ERC2: variants seen among roughly 807,000 people sequenced by gnomAD.
ERC2 encodes the protein ERC protein 2.
A neutral mutation model predicts 114.8 loss-of-function variants in ERC2; 42 were observed. The ratio of observed to expected loss-of-function variants is 0.37; its 90% CI spans 0.29 to 0.47. The LOEUF (loss-of-function observed/expected upper bound fraction) is 0.47, where lower values mean the gene tolerates loss of function less well. Among genes scored for constraint, ERC2 ranks in the 20% least tolerant of loss-of-function variants. ERC2 has a pLI of 0.99. For missense variants in ERC2, 939 were observed against 1,150.7 expected, an observed-to-expected ratio of 0.82 and a Z score of 2.66; for synonymous variants, 454 against 425.5, an observed-to-expected ratio of 1.07 and a Z score of -0.82.
chr3:56,071,075 T>C (rs184286033), intron 7 of ERC2, among the ~76,000 whole-genome samples: 84 of 152,290 alleles, frequency 5.5e-4, no homozygotes, highest in Non-Finnish European at 9.8e-4. Context: ...TATTTAGTAA[T>C]TTTCTCCATG....
chr3:55,568,250 G>A (rs72870469), intron 17 of ERC2, among the ~76,000 whole-genome samples: 1,945 of 152,254 alleles, frequency 0.013, 39 homozygotes, highest in African/African-American at 0.045. Context: ...TGGGCACGAG[G>A]AGCCCACGGG....
chr3:55,778,944 TAAA>T (rs940415330), intron 14 of ERC2, among the ~76,000 whole-genome samples: 4 of 151,326 alleles, frequency 2.6e-5, no homozygotes, highest in African/African-American at 9.7e-5. Context: ...ATAGAACAGA[TAAA>T]GAAGAGATTG....
rs530930459 is a variant in ERC2 at position 56,430,105 on chromosome 3, C to G, written c.657+4246G>C. Among the ~76,000 whole-genome samples the G allele has an allele frequency of 2.6e-5, 4 of 152,342 alleles. No homozygotes were observed. The East Asian group carries it at 7.7e-4, about 29-fold the overall frequency. The stretch of plus-strand genomic sequence containing the variant: ...AATGGACCTGCTTCCAATTTCTCTT[C>G]ACACAGAACAGTTCAAATTGTTTTA... On this transcript the variant is annotated intron_variant, in intron 2 of 17. Transcript: ENST00000288221.
chr3:56,421,862 T>C (rs1679254919), intron 2 of ERC2, among the ~76,000 whole-genome samples: 1 of 151,980 alleles, frequency 6.6e-6, no homozygotes, highest in South Asian at 2.1e-4. Context: ...CTTGAATGGG[T>C]TTCTGCTACT....
At chr3:56,375,145 C>T (rs900860086) in intron 2 of ERC2, among the ~76,000 whole-genome samples, 1 of 152,134 alleles carries the variant, frequency 6.6e-6, no homozygotes, top group African/African-American at 2.4e-5. Context: ...AATCTCTCCC[C>T]AAAATCCTTC....
intron 7 of ERC2, among the ~76,000 whole-genome samples, chr3:56,067,678 A>G (rs571942030): frequency 5.3e-5 from 8 of 152,134 alleles, no homozygotes; most frequent in Non-Finnish European, 1.2e-4. Context: ...CTGTGGGTTT[A>G]TCATAAATAG....
chr3:56,212,234 A>C (rs935518315), intron 3 of ERC2, among the ~76,000 whole-genome samples: 1 of 152,216 alleles, frequency 6.6e-6, no homozygotes, highest in Non-Finnish European at 1.5e-5. Context: ...TTAAGAATCT[A>C]CAAGGAACTC....
At chr3:56,144,510 T>C (rs1332683255) in intron 5 of ERC2, among the ~76,000 whole-genome samples, 1 of 152,168 alleles carries the variant, frequency 6.6e-6, no homozygotes, top group Non-Finnish European at 1.5e-5. Context: ...GCAAAGATGA[T>C]GTTTATAGTG....
intron 4 of ERC2, among the ~76,000 whole-genome samples, chr3:56,155,083 G>A (rs1177537134): frequency 6.6e-6 from 1 of 152,132 alleles, no homozygotes; most frequent in Non-Finnish European, 1.5e-5. Context: ...AAATGTTAGC[G>A]TCCCTCTTGT....
In ERC2 at chr3:56,435,047, C is replaced by T. The variant is rs780724746; in HGVS notation, c.-40G>A. On this transcript the variant is annotated 5_prime_UTR_variant, in exon 2 of 18. Coordinates refer to ENST00000288221, the MANE Select transcript of ERC2 (RefSeq NM_015576.3). ...GAGGTGTTACTGAAGAGAAGAAATG[C>T]TATATTAAGTTGGGGTTTGAGCTAA... The T allele has an allele frequency of 1.3e-6, 2 of 1,486,732 alleles. No individual in the cohort carries two copies. Among genetic ancestry groups the T allele is most frequent in the Non-Finnish European group, 1.8e-6 (2 of 1,104,192 alleles). The allele number at this position is 1,486,732 out of a possible 1,614,324, so 92.1% of individuals were successfully genotyped here.
intron 7 of ERC2, among the ~76,000 whole-genome samples, chr3:56,075,746 G>C (rs9854960): frequency 6.6e-6 from 1 of 151,946 alleles, no homozygotes; most frequent in East Asian, 1.9e-4. Flanking sequence ...TGAATATGAT[G>C]TTGCACATGT....
chr3:56,275,848 C>T (rs2053954837), intron 3 of ERC2, among the ~76,000 whole-genome samples: 1 of 152,114 alleles, frequency 6.6e-6, no homozygotes, highest in African/African-American at 2.4e-5. Flanking sequence ...GGGAGTAATG[C>T]TACTAACATC....
intron 17 of ERC2, among the ~76,000 whole-genome samples, chr3:55,546,039 C>T (rs2054725577): frequency 6.6e-6 from 1 of 152,180 alleles, no homozygotes; most frequent in Admixed American, 6.5e-5. Flanking sequence ...ACCCAGTGGT[C>T]AGGAGCCAGA....
At chr3:56,348,287 A>G (rs1036663860) in intron 2 of ERC2, among the ~76,000 whole-genome samples, 1 of 152,020 alleles carries the variant, frequency 6.6e-6, no homozygotes, top group African/African-American at 2.4e-5. Flanking sequence ...TGAAATGTCC[A>G]CCAGGAAAAA....
At chr3:56,291,141 T>C (rs561310166) in intron 3 of ERC2, among the ~76,000 whole-genome samples, 83 of 152,336 alleles carry the variant, frequency 5.4e-4, no homozygotes, top group African/African-American at 1.8e-3. Context: ...TTCTTTTTCT[T>C]TAATGAGATC....
intron 17 of ERC2, among the ~76,000 whole-genome samples, chr3:55,651,624 A>T (rs1191958287): frequency 6.6e-6 from 1 of 152,144 alleles, no homozygotes; most frequent in Admixed American, 6.5e-5. Context: ...CCCAGCCCTT[A>T]CTGGTTTTGA....
chr3:55,786,106 A>G (rs953268220), intron 14 of ERC2, among the ~76,000 whole-genome samples: 6 of 152,184 alleles, frequency 3.9e-5, no homozygotes, highest in Admixed American at 3.9e-4. Context: ...AGTATGTCAC[A>G]CATAGCTTGC....
chr3:55,739,330 G>A (rs2065839404), intron 14 of ERC2, among the ~76,000 whole-genome samples: 2 of 152,130 alleles, frequency 1.3e-5, no homozygotes, highest in African/African-American at 2.4e-5. Flanking sequence ...TTGAGGAATC[G>A]CCACACCGTC....
intron 3 of ERC2, among the ~76,000 whole-genome samples, chr3:56,244,620 C>T (rs939353742): frequency 7.9e-5 from 12 of 151,284 alleles, no homozygotes; most frequent in African/African-American, 2.9e-4. Flanking sequence ...AAAGTTAAAA[C>T]AGTAAAAAAA....
Sources: gnomAD v4.1 joint callset for allele counts (sites outside exome capture counted in the v4.1 genomes callset) on GRCh38, gnomAD v4.1.1 for gene constraint, MANE v1.5 for transcripts, NCBI Gene and HGNC (gene_info 2026-07-23, HGNC 2026-07-21) for gene names.